GRIPAP1: variants seen among roughly 807,000 people sequenced by gnomAD.
GRIPAP1 encodes the protein GRIP1-associated protein 1.
Under a neutral mutation model 84.1 loss-of-function variants are expected in GRIPAP1, and 14 were observed. That is an observed-to-expected ratio of 0.17 (90% confidence interval 0.11 to 0.26). GRIPAP1 has a LOEUF of 0.26. GRIPAP1 is among the 10% of genes least tolerant of loss of function. The probability of loss-of-function intolerance (pLI) is 1.00; values close to 1 mark genes in which losing one functional copy is unlikely to be tolerated. For missense variants in GRIPAP1, 518 were observed against 674.2 expected, an observed-to-expected ratio of 0.77 and a Z score of 2.57; for synonymous variants, 261 against 256.8, an observed-to-expected ratio of 1.02 and a Z score of -0.15.
At chrX:48,978,495 C>T (rs1221383023) in intron 21 of GRIPAP1, 60 bp from the exon 22 acceptor site, 2 of 1,041,814 alleles carry the variant, frequency 1.9e-6, no homozygotes, top group African/African-American at 1.9e-5. Context: ...AGGGCAGCAA[C>T]CAGCAGGAAG....
rs781788596 is a variant in GRIPAP1, at chrX:48,978,578, G to A, written c.1931-143C>T. On this transcript the variant is annotated intron_variant, in intron 21 of 25. Transcript: ENST00000376423. ...GGGGAAAGGCAGAAGCAGACAGGAG[G>A]ACAGGGAGAGACAGAGACAGAAAAA... 2.5e-4 allele frequency: 121 copies of A among 490,864 alleles called. No homozygotes were observed. In the South Asian group the frequency reaches 5.2e-3, roughly 21 times the overall value. 40.5% of individuals were successfully genotyped at this position (490,864 alleles called of 1,213,427 possible). A position where few individuals can be genotyped will look rare whatever the true frequency, so the allele number is the denominator to read the frequency against.
At position 48,974,060 on chromosome X, in the gene GRIPAP1, C is replaced by G. The variant is rs377431671; in HGVS notation, c.*133G>C. On this transcript the variant is annotated 3_prime_UTR_variant, in exon 26 of 26. Transcript: ENST00000376423. ...AGGATCATTAACACTAACCATCAGG[C>G]CTCTAGCCCCTTTAATGTCCAGTCT... 4 of 454,387 alleles carry G rather than the reference C, an allele frequency of 8.8e-6. No individual in the cohort carries two copies. The African/African-American group carries it at 9.8e-5, about 11-fold the overall frequency. 37.4% of individuals were successfully genotyped at this position (454,387 alleles called of 1,213,427 possible). A position where few individuals can be genotyped will look rare whatever the true frequency, so the allele number is the denominator to read the frequency against.
At chrX:48,987,146 C>CTTT (rs1180847647) in intron 13 of GRIPAP1, among the ~76,000 whole-genome samples, 6 of 72,553 alleles carry the variant, frequency 8.3e-5, no homozygotes, top group East Asian at 4.5e-4. Context: ...CCATGCCCGG[C>CTTT]TTTTTTTTTT....
intron 21 of GRIPAP1, among the ~76,000 whole-genome samples, chrX:48,979,478 CAAAA>C (rs2064442674): frequency 1.4e-3 from 5 of 3,677 alleles, no homozygotes; most frequent in Non-Finnish European, 1.9e-3. Context: ...CTCCGTCTAA[CAAAA>C]AAAAAAAAAA....
rs782132024 is a variant in GRIPAP1, at chrX:48,983,844, C to T, written c.1203G>A (p.Leu401=). 7 of 1,187,785 alleles carry T rather than the reference C, an allele frequency of 5.9e-6. No individual in the cohort carries two copies. The South Asian group carries it at 8.9e-5, about 15-fold the overall frequency. ...LQESLRANSR[L]LEQLQEIGQE... ...GCCCTATTTCTTGAAGTTGTTCCAG[C>T]AGTCGACTATTGGCCCGTAATGACT... The change falls in exon 15 of 26, where the codon CTG becomes CTA. Residue 401 remains leucine (L), a synonymous_variant. Coordinates refer to ENST00000376423, the MANE Select transcript of GRIPAP1 (RefSeq NM_020137.5).
chrX:48,988,505 T>G, intron 11 of GRIPAP1: 2 of 265,698 alleles, frequency 7.5e-6, no homozygotes. Flanking sequence ...ACCCAGATTC[T>G]AGCTTGGGAG....
chrX:48,983,552 C>T, intron 15 of GRIPAP1, 112 bp from the exon 16 acceptor site: 1 of 620,906 alleles, frequency 1.6e-6, no homozygotes, highest in Non-Finnish European at 2.6e-6. Flanking sequence ...CCCATCCCCA[C>T]TGAACTGGCT....
intron 22 of GRIPAP1, chrX:48,977,704 T>C (rs1460074623): frequency 9.0e-6 from 1 of 110,524 alleles, no homozygotes; most frequent in African/African-American, 3.3e-5. Flanking sequence ...TTTTTGTTTT[T>C]GTTTTTTTTT....
intron 1 of GRIPAP1, among the ~76,000 whole-genome samples, chrX:49,001,168 G>A (rs1037870987): frequency 1.8e-4 from 20 of 111,504 alleles, no homozygotes; most frequent in African/African-American, 6.5e-4. Flanking sequence ...AGGCCAGTTG[G>A]ATGACTCTTA....
chrX:48,985,843 C>T (rs1330299195), intron 13 of GRIPAP1, among the ~76,000 whole-genome samples: 7 of 106,553 alleles, frequency 6.6e-5, no homozygotes, highest in African/African-American at 2.4e-4. Flanking sequence ...GCTATGGTGG[C>T]GGGGAGAGAG....
At position 48,993,518 on chromosome X, in the gene GRIPAP1, C is replaced by G; in HGVS notation, c.367G>C (p.Gly123Arg). 1 of 1,188,790 alleles carries G rather than the reference C, an allele frequency of 8.4e-7. No individual in the cohort carries two copies. The highest frequency in any genetic ancestry group is 1.1e-6 in the Non-Finnish European group (1 of 882,641). The change falls in exon 6 of 26, where the codon GGA becomes CGA. Residue 123 changes from glycine to arginine, a missense_variant. Gly to Arg is a moderately radical substitution (Grantham distance 125). This residue lies in a region of GRIPAP1 where 372 missense variants were observed against 458.1 expected (regional missense o/e 0.81). Coordinates refer to ENST00000376423, the MANE Select transcript of GRIPAP1 (RefSeq NM_020137.5). ...GGCCCAGCTTGGGCAACCCCTGCTC[C>G]TGCAGCCCCCTCCTTCAGTTGCTGG... ...ENQQLKEGAA[G>R]AGVAQAGPLV...
intron 8 of GRIPAP1, among the ~76,000 whole-genome samples, chrX:48,990,369 G>A (rs782333325): frequency 1.1e-4 from 12 of 112,134 alleles, no homozygotes; most frequent in African/African-American, 3.2e-4. Context: ...ACTGGGTGCC[G>A]CACCCCTGGG....
At position 48,981,152 on chromosome X, in the gene GRIPAP1, C is replaced by T. The variant is rs782805222; in HGVS notation, c.1930+63G>A. The T allele has an allele frequency of 5.7e-6, 5 of 880,795 alleles. No individual in the cohort carries two copies. In the African/African-American group the frequency reaches 9.8e-5, roughly 17 times the overall value. The allele number at this position is 880,795 out of a possible 1,213,427, so 72.6% of individuals were successfully genotyped here. ...AGGAAGATGCAGGACTAACCTGCAGCCTGCAGGCCCAGGCCCTACCTCCCC... is the reference window on the plus strand; with the variant it reads ...AGGAAGATGCAGGACTAACCTGCAGTCTGCAGGCCCAGGCCCTACCTCCCC... On this transcript the variant is annotated intron_variant, in intron 21 of 25. Coordinates refer to ENST00000376423, the MANE Select transcript of GRIPAP1 (RefSeq NM_020137.5).
chrX:48,994,930 T>C (rs1374635469), intron 5 of GRIPAP1, among the ~76,000 whole-genome samples: 1 of 111,919 alleles, frequency 8.9e-6, no homozygotes, highest in African/African-American at 3.2e-5. Flanking sequence ...GTAAGCACCA[T>C]ATAAATGTCA....
In GRIPAP1 at chrX:48,985,419, T is replaced by C; in HGVS notation, c.1042-17A>G. 1.7e-6 allele frequency: 2 copies of C among 1,203,517 alleles called. No homozygotes were observed. The highest frequency in any genetic ancestry group is 2.2e-6 in the Non-Finnish European group (2 of 889,237). On this transcript the variant is annotated splice_polypyrimidine_tract_variant and intron_variant, in intron 13 of 25. Transcript: ENST00000376423. ...TGTTTGGATCTGGAGAAAGTAGTGG[T>C]GATGAGAAGTAGAGTGAAAGGGACC...
chrX:48,975,836 G>A (rs1425511067), intron 24 of GRIPAP1, 182 bp downstream of exon 24: 1 of 440,037 alleles, frequency 2.3e-6, no homozygotes, highest in African/African-American at 2.5e-5. Flanking sequence ...CAGAGAAAGA[G>A]AGAAGAGGGA....
At chrX:48,980,713 G>A (rs906164126) in intron 21 of GRIPAP1, 112 of 117,861 alleles carry the variant, frequency 9.5e-4, no homozygotes, top group Admixed American at 2.2e-3. Context: ...GAGAAACCCC[G>A]TCTCTACTAA....
chrX:49,001,815 G>A (rs1220459017), intron 1 of GRIPAP1, among the ~76,000 whole-genome samples: 1 of 110,171 alleles, frequency 9.1e-6, no homozygotes, highest in African/African-American at 3.3e-5. Flanking sequence ...CCCAACACCC[G>A]CTTCCTTCCT....
intron 11 of GRIPAP1, 59 bp from the exon 12 acceptor site, chrX:48,988,257 G>A (rs781808209): frequency 2.5e-4 from 210 of 832,705 alleles, no homozygotes; most frequent in Middle Eastern, 2.7e-4. Context: ...GCATATAACC[G>A]TACAGACTCT....
Sources: gnomAD v4.1 joint callset for allele counts (sites outside exome capture counted in the v4.1 genomes callset) on GRCh38, gnomAD v4.1.1 for gene constraint, gnomAD v4.1.1 regional missense constraint, MANE v1.5 for transcripts, NCBI Gene and HGNC (gene_info 2026-07-23, HGNC 2026-07-21) for gene names.